The following ADISSP variants were observed in gnomAD, a reference collection of about 807,000 sequenced individuals.
The protein encoded by ADISSP is adipose secreted signaling protein.
At chr20:3,760,030 G>C in the ADISSP span, 8 of 1,610,338 alleles carry the variant, frequency 5.0e-6, no homozygotes, top group Non-Finnish European at 6.8e-6. Context: ...CCTCCTACCA[G>C]GGCCCACCGG....
At chr20:3,756,542 G>A in the ADISSP span, among the ~76,000 whole-genome samples, 1 of 152,202 alleles carries the variant, frequency 6.6e-6, no homozygotes, top group Admixed American at 6.5e-5. Flanking sequence ...CCATCCCTGG[G>A]GGCCAACTGG....
the ADISSP span, chr20:3,759,951 C>G: frequency 7.0e-7 from 1 of 1,435,306 alleles, no homozygotes; most frequent in South Asian, 1.2e-5. This position sits in a 1 kb window ranked among gnomAD's most constrained non-coding sequence, Gnocchi z 4.6. Context: ...ATTCGCACAC[C>G]AGCACACACG....
chr20:3,758,795 G>A, the ADISSP span: 3 of 964,892 alleles, frequency 3.1e-6, no homozygotes, highest in Non-Finnish European at 4.6e-6. The surrounding 1 kb of genome is among the most constrained non-coding windows in gnomAD (Gnocchi z 5.5). Context: ...CACTGGCTGG[G>A]CTCTTTTCAG....
chr20:3,762,644 G>T, the ADISSP span, among the ~76,000 whole-genome samples: 88 of 152,292 alleles, frequency 5.8e-4, no homozygotes, highest in African/African-American at 2.1e-3. Flanking sequence ...GAGCCGCCAG[G>T]CCTGGCAAAT....
chr20:3,753,692 AC>A, the ADISSP span: 1 of 315,308 alleles, frequency 3.2e-6, no homozygotes, highest in Non-Finnish European at 6.1e-6. Context: ...TAATGGGGCC[AC>A]GACGCCACAG....
the ADISSP span, chr20:3,753,645 G>A: frequency 4.0e-6 from 1 of 248,330 alleles, no homozygotes; most frequent in African/African-American, 2.3e-5. Context: ...GTGGGGACTA[G>A]GGAGGGGCAG....
At chr20:3,766,199 C>T in the ADISSP span, among the ~76,000 whole-genome samples, 2 of 152,300 alleles carry the variant, frequency 1.3e-5, no homozygotes, top group East Asian at 1.9e-4. Context: ...TTAAAGCTCA[C>T]GCCTGTGAAA....
chr20:3,754,405 C>T, the ADISSP span: 20 of 1,612,918 alleles, frequency 1.2e-5, no homozygotes, highest in African/African-American at 9.3e-5. Context: ...ACCCATGACG[C>T]GGGCCTGCAC....
chr20:3,766,722 G>A, the ADISSP span, among the ~76,000 whole-genome samples: 5 of 152,264 alleles, frequency 3.3e-5, 1 homozygote, highest in African/African-American at 1.2e-4. Context: ...CTGCTGCCTC[G>A]TAGCTCAGGA....
At chr20:3,765,714 C>T in the ADISSP span, among the ~76,000 whole-genome samples, 88 of 152,272 alleles carry the variant, frequency 5.8e-4, no homozygotes, top group African/African-American at 2.1e-3. Context: ...GGGCCTCCCT[C>T]CTCCTGCCTC....
At chr20:3,766,738 A>G in the ADISSP span, among the ~76,000 whole-genome samples, 6 of 152,196 alleles carry the variant, frequency 3.9e-5, no homozygotes, top group Admixed American at 3.9e-4. Flanking sequence ...CAGGATGGAT[A>G]GAATGTGGGG....
At chr20:3,753,786 C>A in the ADISSP span, 2 of 531,490 alleles carry the variant, frequency 3.8e-6, no homozygotes, top group Non-Finnish European at 6.8e-6. Context: ...CAGGCCCTCC[C>A]TCTCCCTTCC....
the ADISSP span, among the ~76,000 whole-genome samples, chr20:3,762,023 C>T: frequency 6.6e-6 from 1 of 152,172 alleles, no homozygotes; most frequent in African/African-American, 2.4e-5. Context: ...AACGGTGGCT[C>T]ACGCCTGTAA....
chr20:3,756,329 A>G, the ADISSP span, among the ~76,000 whole-genome samples: 1 of 152,228 alleles, frequency 6.6e-6, no homozygotes, highest in East Asian at 1.9e-4. Flanking sequence ...TCTGTTGTTC[A>G]TTCACAGTGC....
At chr20:3,766,877 GAAGA>G in the ADISSP span, among the ~76,000 whole-genome samples, 1 of 152,136 alleles carries the variant, frequency 6.6e-6, no homozygotes, top group South Asian at 2.1e-4. Context: ...CAAGATTCAA[GAAGA>G]AAGGCAAGCG....
chr20:3,764,178 T>C, the ADISSP span, among the ~76,000 whole-genome samples: 1 of 151,976 alleles, frequency 6.6e-6, no homozygotes, highest in Non-Finnish European at 1.5e-5. Flanking sequence ...TCAGAGTATA[T>C]GACAAATGGC....
chr20:3,764,133 G>A, the ADISSP span, among the ~76,000 whole-genome samples: 13 of 152,074 alleles, frequency 8.5e-5, no homozygotes, highest in Non-Finnish European at 1.5e-4. Context: ...TGCCGTAACC[G>A]CCCCCCGACT....
At chr20:3,755,231 C>T in the ADISSP span, among the ~76,000 whole-genome samples, 141 of 152,242 alleles carry the variant, frequency 9.3e-4, no homozygotes, top group African/African-American at 3.3e-3. Flanking sequence ...TACTGCCCCA[C>T]GGAGGTAACC....
chr20:3,764,781 T>A, the ADISSP span, among the ~76,000 whole-genome samples: 1 of 152,246 alleles, frequency 6.6e-6, no homozygotes, highest in Admixed American at 6.5e-5. Flanking sequence ...AGGCCCGTAC[T>A]TCAGCCCTAA....
Sources: gnomAD v4.1 joint callset for allele counts (sites outside exome capture counted in the v4.1 genomes callset) on GRCh38, gnomAD v4.1.1 for gene constraint, Gnocchi (gnomAD v3.1) non-coding constraint, MANE v1.5 for transcripts, NCBI Gene and HGNC (gene_info 2026-07-23, HGNC 2026-07-21) for gene names.